HLTF: variants seen among roughly 807,000 people sequenced by gnomAD.
HLTF encodes the protein DNA-dependent ATPase/E3 ubiquitin-protein ligase HLTF.
In HLTF, 127 loss-of-function variants were observed where a neutral mutation model predicts 129.4. That is an observed-to-expected ratio of 0.98 (90% CI 0.85 to 1.14). The LOEUF is 1.14. Among genes scored for constraint, HLTF ranks in the 50% most tolerant of loss-of-function variants. The pLI is 0.00. For synonymous variants in HLTF, 332 were observed against 388.8 expected (o/e 0.85, Z 1.72); for missense variants, 1,139 against 1,187.1 (o/e 0.96, Z 0.60).
At chr3:149,045,947 C>A in intron 18 of HLTF, 133 bp downstream of exon 18, 1 of 599,258 alleles carries the variant, frequency 1.7e-6, no homozygotes, top group Admixed American at 3.9e-5. Context: ...GTAAAAAACA[C>A]TGTAATTCAT....
At chr3:149,063,694 A>C (rs1403134751) in intron 9 of HLTF, among the ~76,000 whole-genome samples, 170 bp from the exon 10 acceptor site, 1 of 151,598 alleles carries the variant, frequency 6.6e-6, no homozygotes, top group African/African-American at 2.4e-5. Flanking sequence ...GTATTTCCTC[A>C]TTTCTAATTA....
chr3:149,037,872 G>A (rs1336082574), intron 23 of HLTF, among the ~76,000 whole-genome samples: 2 of 152,122 alleles, frequency 1.3e-5, no homozygotes, highest in African/African-American at 4.8e-5. Flanking sequence ...CTTTGTACAC[G>A]TAGAAAAACA....
chr3:149,082,713 A>G (rs1719979101), intron 2 of HLTF, among the ~76,000 whole-genome samples: 2 of 151,994 alleles, frequency 1.3e-5, no homozygotes, highest in South Asian at 4.1e-4. Flanking sequence ...GTATGCAAAG[A>G]TAGTATCTCA....
chr3:149,039,844 A>C, intron 21 of HLTF, 151 bp from the exon 22 acceptor site: 1 of 679,714 alleles, frequency 1.5e-6, no homozygotes, highest in Admixed American at 3.5e-5. Flanking sequence ...GACTGAAAGA[A>C]CACTCTAATA....
At chr3:149,053,813 C>A (rs1187471613) in intron 14 of HLTF, among the ~76,000 whole-genome samples, 1 of 152,042 alleles carries the variant, frequency 6.6e-6, no homozygotes, top group Non-Finnish European at 1.5e-5. Context: ...TACCCCAAGC[C>A]CTCAAATAAT....
chr3:149,067,439 T>A (rs1294105068), intron 8 of HLTF, among the ~76,000 whole-genome samples: 12 of 152,154 alleles, frequency 7.9e-5, no homozygotes, highest in Non-Finnish European at 1.6e-4. Flanking sequence ...TAATAGTAAG[T>A]TTTATGGCTA....
rs759371992 is a variant in HLTF at position 149,034,936 on chromosome 3, T to G, written c.2859A>C (p.Gln953His). The change falls in exon 24 of 25, where the codon CAA becomes CAC. Residue 953 changes from glutamine to histidine, a missense_variant. Transcript: ENST00000310053. ...FDRCHRLGQK[Q>H]EVIITKFIVK... ...AACTCACTTTTGTGATGATAACTTCTTGCTTCTGACCAAGTCTATGGCATC... is the reference window on the plus strand; with the variant it reads ...AACTCACTTTTGTGATGATAACTTCGTGCTTCTGACCAAGTCTATGGCATC... 6.2e-7 allele frequency: 1 copy of G among 1,613,330 alleles called. No homozygotes were observed. The highest frequency in any genetic ancestry group is 8.5e-7 in the Non-Finnish European group (1 of 1,179,242).
intron 16 of HLTF, among the ~76,000 whole-genome samples, chr3:149,048,653 G>A (rs1716743388): frequency 6.6e-6 from 1 of 152,126 alleles, no homozygotes. Context: ...AATAAGTCTA[G>A]TGACTGTTCC....
intron 20 of HLTF, 99 bp from the exon 21 acceptor site, chr3:149,040,255 A>C: frequency 1.0e-6 from 1 of 993,558 alleles, no homozygotes; most frequent in East Asian, 2.4e-5. Context: ...TGTATCTCTC[A>C]TAGCTAACAT....
At position 149,039,954 on chromosome 3, in the gene HLTF, C is replaced by T. The variant is rs939613457; in HGVS notation, c.2502+77G>A. 98 of 1,281,762 alleles carry T rather than the reference C, an allele frequency of 7.6e-5. No individual in the cohort carries two copies. In the Middle Eastern group the frequency reaches 7.7e-4, roughly 10 times the overall value. 79.4% of individuals were successfully genotyped at this position (1,281,762 alleles called of 1,614,324 possible). A position where few individuals can be genotyped will look rare whatever the true frequency, so the allele number is the denominator to read the frequency against. Reference sequence around the variant, plus strand: ...AATGACAGGAATGAAAGCAGAATTACGATTTTGATATACTGTGTATATTTC... The same window carrying T: ...AATGACAGGAATGAAAGCAGAATTATGATTTTGATATACTGTGTATATTTC... On this transcript the variant is annotated intron_variant, in intron 21 of 24. Coordinates refer to ENST00000310053, the MANE Select transcript of HLTF (RefSeq NM_003071.4).
chr3:149,084,690 T>G lies in HLTF; in HGVS notation c.220A>C (p.Thr74Pro). The G allele has an allele frequency of 6.2e-7, 1 of 1,609,026 alleles. No homozygotes were observed. The highest frequency in any genetic ancestry group is 1.1e-5 in the South Asian group (1 of 90,962). The change falls in exon 2 of 25, where the codon ACG becomes CCG. Residue 74 changes from threonine to proline, a missense_variant. Thr to Pro is a conservative substitution (Grantham distance 38, BLOSUM62 -1). Coordinates refer to ENST00000310053, the MANE Select transcript of HLTF (RefSeq NM_003071.4). ...RGHVVGLRYY[T>P]GVVNNNEMVA... is the part of the protein sequence containing the mutation. Reference sequence around the variant, plus strand: ...TCTACTATTATACTCACTACTCCCGTGTAATAGCGTAGTCCAACCACATGA... The same window carrying G: ...TCTACTATTATACTCACTACTCCCGGGTAATAGCGTAGTCCAACCACATGA...
At chr3:149,074,497 A>C (rs1719164159) in intron 3 of HLTF, 149 bp from the exon 4 acceptor site, 2 of 656,600 alleles carry the variant, frequency 3.0e-6, no homozygotes, top group Non-Finnish European at 4.7e-6. Context: ...GAAAGAAAAA[A>C]AGGAAAAGAA....
rs1191523741 is a variant in HLTF at position 149,030,660 on chromosome 3, C to T, written c.*1560G>A. The T allele has an allele frequency of 4.6e-5, 7 of 152,174 alleles. No homozygotes were observed. The highest frequency in any genetic ancestry group is 1.7e-4 in the African/African-American group (7 of 41,438). 9.4% of individuals were successfully genotyped at this position (152,174 alleles called of 1,614,324 possible). A position where few individuals can be genotyped will look rare whatever the true frequency, so the allele number is the denominator to read the frequency against. On this transcript the variant is annotated 3_prime_UTR_variant, in exon 25 of 25. Transcript: ENST00000310053. ...AATGCTTGATCTACCAGGTAACTTCCCAACTGCTCCTAATGCTAGCGGGCT... is the reference window on the plus strand; with the variant it reads ...AATGCTTGATCTACCAGGTAACTTCTCAACTGCTCCTAATGCTAGCGGGCT...
chr3:149,057,244 G>A (rs191421242), intron 13 of HLTF, among the ~76,000 whole-genome samples: 2 of 151,300 alleles, frequency 1.3e-5, no homozygotes, highest in African/African-American at 4.9e-5. Flanking sequence ...TGGCTAACAT[G>A]GTGAAACCCG....
intron 1 of HLTF, 22 bp from the exon 2 acceptor site, chr3:149,084,911 G>A: frequency 6.6e-7 from 1 of 1,523,164 alleles, no homozygotes; most frequent in South Asian, 1.1e-5. Flanking sequence ...TAAAGGCAAA[G>A]AAAAACAATA....
intron 10 of HLTF, among the ~76,000 whole-genome samples, 181 bp downstream of exon 10, chr3:149,063,250 C>T (rs1209348995): frequency 2.0e-5 from 3 of 152,006 alleles, no homozygotes; most frequent in South Asian, 2.1e-4. Flanking sequence ...TTAGTAGAGA[C>T]GGGGTTTCAC....
At chr3:149,044,181 TTGC>T (rs1402116956) in intron 18 of HLTF, among the ~76,000 whole-genome samples, 2 of 152,242 alleles carry the variant, frequency 1.3e-5, no homozygotes, top group Middle Eastern at 3.4e-3. Context: ...CCTAATAGGA[TTGC>T]TGTGAATACA....
intron 8 of HLTF, among the ~76,000 whole-genome samples, chr3:149,066,258 C>G (rs1226350160): frequency 1.3e-5 from 2 of 152,076 alleles, no homozygotes; most frequent in Non-Finnish European, 2.9e-5. Context: ...GTTGGTCAGA[C>G]TGGTCTTGAA....
chr3:149,033,623 A>G (rs1715324427), intron 24 of HLTF, among the ~76,000 whole-genome samples: 1 of 152,062 alleles, frequency 6.6e-6, no homozygotes, highest in Non-Finnish European at 1.5e-5. Flanking sequence ...GTTTATGATG[A>G]AAGTGACATT....
Sources: allele counts gnomAD v4.1 joint callset (sites outside exome capture counted in the v4.1 genomes callset), GRCh38; gene constraint gnomAD v4.1.1; transcripts MANE v1.5; gene names NCBI Gene and HGNC (gene_info 2026-07-23, HGNC 2026-07-21).